DLGAP2: variants seen among roughly 807,000 people sequenced by gnomAD.
DLGAP2 encodes disks large-associated protein 2.
In DLGAP2, 26 loss-of-function variants were observed where a neutral mutation model predicts 100.3. That is an observed-to-expected ratio of 0.26 (90% CI 0.19 to 0.36). The LOEUF (loss-of-function observed/expected upper bound fraction) is 0.36. Ranked by LOEUF, DLGAP2 falls within the 10% of genes least tolerant of loss-of-function variation. The pLI is 1.00. For synonymous variants in DLGAP2, 886 were observed against 630.1 expected, an observed-to-expected ratio of 1.41 and a Z score of -6.08; for missense variants, 1,858 against 1,453.2, an observed-to-expected ratio of 1.28 and a Z score of -4.53.
intron 3 of DLGAP2, among the ~76,000 whole-genome samples, chr8:1,441,903 T>TA (rs917242766): frequency 6.6e-6 from 1 of 151,914 alleles, no homozygotes; most frequent in Non-Finnish European, 1.5e-5. Flanking sequence ...ATGTGGTCCA[T>TA]ATACACTATG....
At chr8:1,137,064 G>C (rs1585095030) in intron 2 of DLGAP2, among the ~76,000 whole-genome samples, 1 of 152,164 alleles carries the variant, frequency 6.6e-6, no homozygotes, top group Non-Finnish European at 1.5e-5. Flanking sequence ...TGCAGTTCTG[G>C]AGGCTGGCAG....
intron 2 of DLGAP2, among the ~76,000 whole-genome samples, chr8:1,055,777 C>T (rs941820005): frequency 5.8e-4 from 89 of 152,236 alleles, no homozygotes; most frequent in African/African-American, 2.0e-3. Context: ...GCTCATTCCA[C>T]TGAGGAGGCC....
intron 6 of DLGAP2, among the ~76,000 whole-genome samples, chr8:1,624,152 T>C (rs1421486221): frequency 6.6e-6 from 1 of 152,080 alleles, no homozygotes; most frequent in African/African-American, 2.4e-5. Flanking sequence ...CAGCTTCAAT[T>C]TGAGAATGTT....
At chr8:1,176,349 T>C (rs1163002074) in intron 2 of DLGAP2, among the ~76,000 whole-genome samples, 1 of 152,098 alleles carries the variant, frequency 6.6e-6, no homozygotes, top group East Asian at 1.9e-4. Flanking sequence ...GGATTACAGT[T>C]CGAGGTGAGA....
rs1006693413 is a variant in DLGAP2, at chr8:1,703,466, G to C, written c.*2060G>C. 2.6e-5 allele frequency: 4 copies of C among 152,584 alleles called. No individual in the cohort carries two copies. Among genetic ancestry groups the C allele is most frequent in the Non-Finnish European group, 5.9e-5 (4 of 68,044 alleles). 9.5% of individuals were successfully genotyped at this position (152,584 alleles called of 1,614,324 possible). On this transcript the variant is annotated 3_prime_UTR_variant, in exon 15 of 15. Transcript: ENST00000637795. ...TATGTTAAAACAAATGTATTTGCGA[G>C]TATTGGCATTTTAGACTTTAAAAAT...
chr8:870,845 C>T (rs1233115536), intron 1 of DLGAP2, among the ~76,000 whole-genome samples: 1 of 152,150 alleles, frequency 6.6e-6, no homozygotes, highest in African/African-American at 2.4e-5. Context: ...GGCTCTCTTT[C>T]CCTCACCGCT....
intron 5 of DLGAP2, among the ~76,000 whole-genome samples, chr8:1,564,593 G>A (rs1802321218): frequency 6.6e-6 from 1 of 152,192 alleles, no homozygotes; most frequent in East Asian, 1.9e-4. Context: ...ATATATAACA[G>A]GCATAGGTGC....
intron 3 of DLGAP2, among the ~76,000 whole-genome samples, chr8:1,325,524 C>T (rs1019341070): frequency 7.2e-5 from 11 of 152,196 alleles, no homozygotes; most frequent in African/African-American, 2.2e-4. Flanking sequence ...ACTTTGTACG[C>T]ATACATTGCT....
chr8:1,684,370 G>T (rs1420487606), intron 12 of DLGAP2, among the ~76,000 whole-genome samples: 1 of 151,898 alleles, frequency 6.6e-6, no homozygotes, highest in Non-Finnish European at 1.5e-5. Flanking sequence ...TTCCCTAAAT[G>T]TTTAAAAGGT....
intron 2 of DLGAP2, among the ~76,000 whole-genome samples, chr8:1,112,149 C>G (rs1175416300): frequency 6.6e-6 from 1 of 151,496 alleles, no homozygotes; most frequent in East Asian, 1.9e-4. Context: ...TTGCATTTCT[C>G]TAATGATAAA....
At chr8:752,525 T>A (rs1353952810) in intron 1 of DLGAP2, among the ~76,000 whole-genome samples, 1 of 151,822 alleles carries the variant, frequency 6.6e-6, no homozygotes, top group Non-Finnish European at 1.5e-5. Flanking sequence ...CTGGGCTCGG[T>A]GTGGGGTCAG....
intron 2 of DLGAP2, chr8:1,019,121 C>A (rs1203988678): frequency 6.6e-6 from 1 of 152,180 alleles, no homozygotes; most frequent in Non-Finnish European, 1.5e-5. Flanking sequence ...GCCAGCCACG[C>A]CAGCATTATC....
chr8:1,269,112 A>G (rs956099819), intron 3 of DLGAP2, among the ~76,000 whole-genome samples: 1 of 152,250 alleles, frequency 6.6e-6, no homozygotes, highest in Middle Eastern at 3.4e-3. Flanking sequence ...GCAACTGTAC[A>G]TTGGCTCACC....
At chr8:1,129,288 A>G (rs979594156) in intron 2 of DLGAP2, among the ~76,000 whole-genome samples, 1 of 151,830 alleles carries the variant, frequency 6.6e-6, no homozygotes, top group African/African-American at 2.4e-5. Context: ...CTGTGTTCCC[A>G]GCTGCTCGGG....
chr8:949,593 C>A (rs1047645185), intron 2 of DLGAP2, among the ~76,000 whole-genome samples: 4 of 152,222 alleles, frequency 2.6e-5, no homozygotes, highest in African/African-American at 9.6e-5. Flanking sequence ...CGTGTGCTCC[C>A]CAGGACGGGC....
chr8:1,166,929 G>T (rs990582208), intron 2 of DLGAP2, among the ~76,000 whole-genome samples: 2 of 152,108 alleles, frequency 1.3e-5, no homozygotes, highest in Non-Finnish European at 2.9e-5. Context: ...AGAGGACCAC[G>T]AGGCCAGGAG....
intron 2 of DLGAP2, among the ~76,000 whole-genome samples, chr8:1,209,811 G>T (rs1798066579): frequency 6.6e-6 from 1 of 152,118 alleles, no homozygotes; most frequent in Non-Finnish European, 1.5e-5. Flanking sequence ...ATCCTAAGTT[G>T]TCACAGCTCA....
intron 3 of DLGAP2, among the ~76,000 whole-genome samples, chr8:1,334,640 C>T (rs533401012): frequency 2.0e-5 from 3 of 152,224 alleles, no homozygotes; most frequent in South Asian, 2.1e-4. Context: ...GCATGGACTC[C>T]GGTGGGATGA....
chr8:1,558,111 C>T (rs1003278647), intron 5 of DLGAP2, among the ~76,000 whole-genome samples: 3 of 152,180 alleles, frequency 2.0e-5, no homozygotes, highest in East Asian at 1.9e-4. Context: ...GTGGCATCCA[C>T]GCATCCTGGG....
Sources: gnomAD v4.1 joint callset for allele counts (sites outside exome capture counted in the v4.1 genomes callset) on GRCh38, gnomAD v4.1.1 for gene constraint, MANE v1.5 for transcripts, NCBI Gene and HGNC (gene_info 2026-07-23, HGNC 2026-07-21) for gene names.